PRTFDC1: variants seen among roughly 807,000 people sequenced by gnomAD.
PRTFDC1 encodes phosphoribosyltransferase domain-containing protein 1.
In PRTFDC1, 38 loss-of-function variants were observed where a neutral mutation model predicts 34.6. The ratio of observed to expected loss-of-function variants is 1.10; its 90% CI spans 0.85 to 1.44. PRTFDC1 has a LOEUF of 1.44. Among genes scored for constraint, PRTFDC1 ranks in the 40% most tolerant of loss-of-function variants. The pLI, the probability that PRTFDC1 is intolerant of heterozygous loss-of-function variation, is 0.00. For missense variants in PRTFDC1, 270 were observed against 283.0 expected (o/e 0.95, Z 0.33); for synonymous variants, 93 against 98.1 (o/e 0.95, Z 0.31).
intron 1 of PRTFDC1, among the ~76,000 whole-genome samples, chr10:24,950,832 G>A (rs981764090): frequency 6.6e-5 from 10 of 152,066 alleles, no homozygotes; most frequent in African/African-American, 1.2e-4. Flanking sequence ...GAGCACTCCC[G>A]AACATTACAT....
At chr10:24,862,924 C>T (rs1397658307) in intron 4 of PRTFDC1, among the ~76,000 whole-genome samples, 1 of 152,126 alleles carries the variant, frequency 6.6e-6, no homozygotes, top group African/African-American at 2.4e-5. Flanking sequence ...GTTGCCCAGG[C>T]TGGAGTGCAG....
chr10:24,934,398 C>T (rs531767510), intron 3 of PRTFDC1, among the ~76,000 whole-genome samples: 2 of 152,302 alleles, frequency 1.3e-5, no homozygotes, highest in South Asian at 4.1e-4. Context: ...CTGAAAAACT[C>T]GTTCAGGCCA....
rs191892315 is a variant in PRTFDC1 at position 24,857,717 on chromosome 10, C to T, written c.423+675G>A. ...GAGCAAGAACTCCAGATGCACATGG[C>T]GCACACAGGCAATTGTGTAACAAAA... is the stretch of plus-strand genomic sequence containing the variant. On this transcript the variant is annotated intron_variant, in intron 5 of 8. Transcript: ENST00000320152. Among the ~76,000 whole-genome samples the T allele has an allele frequency of 3.9e-4, 60 of 152,000 alleles. 1 individual carries two copies. The highest frequency in any genetic ancestry group is 6.5e-4 in the Non-Finnish European group (44 of 67,832).
Position 24,872,774 on chromosome 10 carries a change from A to G in PRTFDC1, c.340-711T>C, listed in dbSNP as rs556743282. Among the ~76,000 whole-genome samples, 22 of 87,402 alleles carry G rather than the reference A, an allele frequency of 2.5e-4. No individual in the cohort carries two copies. In the Admixed American group the frequency reaches 2.7e-3, roughly 11 times the overall value. The allele number at this position is 87,402 out of a possible 152,430, so 57.3% of individuals were successfully genotyped here. Reference sequence around the variant, plus strand: ...TGTGCACACGTGTGTGTGTATATATATATGTGTGTGTGTGTATATATATAT... The same window carrying G: ...TGTGCACACGTGTGTGTGTATATATGTATGTGTGTGTGTGTATATATATAT... On this transcript the variant is annotated intron_variant, in intron 3 of 8. Coordinates refer to ENST00000320152, the MANE Select transcript of PRTFDC1 (RefSeq NM_020200.7).
chr10:24,860,080 C>T (rs1479007159), intron 4 of PRTFDC1, among the ~76,000 whole-genome samples: 2 of 152,082 alleles, frequency 1.3e-5, no homozygotes, highest in African/African-American at 4.8e-5. Context: ...ATGATTTATA[C>T]AATACTTTAA....
intron 1 of PRTFDC1, among the ~76,000 whole-genome samples, chr10:24,950,235 C>G (rs1307688306): frequency 1.3e-5 from 2 of 152,094 alleles, no homozygotes; most frequent in African/African-American, 4.8e-5. Flanking sequence ...TAGTATGTTA[C>G]GGTAGTACAA....
chr10:24,851,715 A>G (rs1299542266), intron 7 of PRTFDC1, among the ~76,000 whole-genome samples: 1 of 151,852 alleles, frequency 6.6e-6, no homozygotes, highest in Non-Finnish European at 1.5e-5. Flanking sequence ...TACAGAGTTG[A>G]GAAAGGGCTC....
chr10:24,942,314 A>G lies in PRTFDC1; in HGVS notation c.155+16T>C, dbSNP rs1213400511. Reference sequence around the variant, plus strand: ...CCCAGTGCAGGACCAAGATTGACACAGGAAATCACACTCACCTGTCCACAA... The same window carrying G: ...CCCAGTGCAGGACCAAGATTGACACGGGAAATCACACTCACCTGTCCACAA... On this transcript the variant is annotated intron_variant, in intron 2 of 8. Coordinates refer to ENST00000320152, the MANE Select transcript of PRTFDC1 (RefSeq NM_020200.7). The G allele has an allele frequency of 2.5e-6, 4 of 1,589,980 alleles. No homozygotes were observed. Among genetic ancestry groups the G allele is most frequent in the Non-Finnish European group, 3.5e-6 (4 of 1,158,042 alleles).
chr10:24,901,900 C>T (rs1848455726), intron 3 of PRTFDC1, among the ~76,000 whole-genome samples: 1 of 152,200 alleles, frequency 6.6e-6, no homozygotes, highest in African/African-American at 2.4e-5. Context: ...ACTCCCCAAC[C>T]ACAGATGGTC....
intron 3 of PRTFDC1, among the ~76,000 whole-genome samples, chr10:24,931,889 C>T (rs1344162958): frequency 7.1e-6 from 1 of 141,392 alleles, no homozygotes; most frequent in Non-Finnish European, 1.5e-5. Flanking sequence ...AGCCTGATAC[C>T]AGAATCAGAA....
Position 24,849,715 on chromosome 10 carries a change from T to A in PRTFDC1, c.*129A>T. On this transcript the variant is annotated 3_prime_UTR_variant, in exon 9 of 9. Transcript: ENST00000320152. ...AACCTCAGAAAAGAAAGCTCTCTCA[T>A]TTGAACATTTTTTTCTTTTATATCC... The A allele has an allele frequency of 1.3e-6, 1 of 780,704 alleles. No individual in the cohort carries two copies. The highest frequency in any genetic ancestry group is 2.1e-6 in the Non-Finnish European group (1 of 467,416). The allele number at this position is 780,704 out of a possible 1,614,324, so 48.4% of individuals were successfully genotyped here.
At chr10:24,948,298 A>G (rs540001446) in intron 1 of PRTFDC1, among the ~76,000 whole-genome samples, 2 of 152,248 alleles carry the variant, frequency 1.3e-5, no homozygotes, top group East Asian at 1.9e-4. Context: ...AAACAAACAA[A>G]CAAAAACATG....
intron 2 of PRTFDC1, among the ~76,000 whole-genome samples, chr10:24,939,636 T>C (rs1849118215): frequency 6.6e-6 from 1 of 150,870 alleles, no homozygotes; most frequent in Non-Finnish European, 1.5e-5. Context: ...CTACTAAAAA[T>C]ACAAAAAATT....
chr10:24,888,098 T>G (rs11014282), intron 3 of PRTFDC1, among the ~76,000 whole-genome samples: 1 of 152,162 alleles, frequency 6.6e-6, no homozygotes, highest in African/African-American at 2.4e-5. Flanking sequence ...GTCACAAACT[T>G]CTGGGCTCAA....
chr10:24,862,166 A>G (rs1477358688), intron 4 of PRTFDC1, among the ~76,000 whole-genome samples: 1 of 152,166 alleles, frequency 6.6e-6, no homozygotes, highest in Non-Finnish European at 1.5e-5. Context: ...TGAATTCTTT[A>G]TTATGTATAG....
intron 7 of PRTFDC1, among the ~76,000 whole-genome samples, chr10:24,853,489 T>A (rs1847525806): frequency 6.6e-6 from 1 of 152,000 alleles, no homozygotes; most frequent in African/African-American, 2.4e-5. Context: ...GTACCTGTAG[T>A]CCCAGCTACT....
intron 6 of PRTFDC1, among the ~76,000 whole-genome samples, chr10:24,855,717 C>T (rs1847561811): frequency 6.6e-6 from 1 of 152,124 alleles, no homozygotes; most frequent in African/African-American, 2.4e-5. Flanking sequence ...ATTGTTGTAG[C>T]CCAGGAGTTG....
chr10:24,928,317 A>AC (rs561796492), intron 3 of PRTFDC1, among the ~76,000 whole-genome samples: 178 of 151,738 alleles, frequency 1.2e-3, no homozygotes, highest in African/African-American at 1.4e-3. Context: ...CCCATCTGGC[A>AC]CCCCCCCACA....
intron 3 of PRTFDC1, among the ~76,000 whole-genome samples, chr10:24,922,790 G>T (rs6482457): frequency 0.32 from 49,141 of 152,040 alleles, 9,348 homozygotes; most frequent in African/African-American, 0.53. Context: ...TTATTGGGAC[G>T]GGTTGGACAG....
Sources: gnomAD v4.1 joint callset for allele counts (sites outside exome capture counted in the v4.1 genomes callset) on GRCh38, gnomAD v4.1.1 for gene constraint, MANE v1.5 for transcripts, NCBI Gene and HGNC (gene_info 2026-07-23, HGNC 2026-07-21) for gene names.